SPRED2: variants seen among roughly 807,000 people sequenced by gnomAD.
The protein encoded by SPRED2 is sprouty-related, EVH1 domain-containing protein 2.
Under a neutral mutation model 43.0 loss-of-function variants are expected in SPRED2, and 47 were observed. That is an observed-to-expected ratio of 1.09 (90% confidence interval 0.87 to 1.40). SPRED2 has a LOEUF of 1.40. Among genes scored for constraint, SPRED2 ranks in the 40% most tolerant of loss-of-function variants. The pLI is 0.00. For synonymous variants in SPRED2, 225 were observed against 225.7 expected (o/e 1.00, Z 0.03); for missense variants, 561 against 586.4 (o/e 0.96, Z 0.45).
At chr2:65,424,433 C>T (rs552725002) in intron 1 of SPRED2, among the ~76,000 whole-genome samples, 1 of 152,152 alleles carries the variant, frequency 6.6e-6, no homozygotes, top group South Asian at 2.1e-4. Flanking sequence ...CTACTATGTG[C>T]TCAGTGTTCT....
chr2:65,410,109 C>T (rs961862414), intron 1 of SPRED2, among the ~76,000 whole-genome samples: 2 of 151,588 alleles, frequency 1.3e-5, no homozygotes, highest in Non-Finnish European at 1.5e-5. Context: ...TAATGGCTCA[C>T]GCCTGTAATA....
chr2:65,427,986 C>T (rs547394962), intron 1 of SPRED2, among the ~76,000 whole-genome samples: 1 of 152,262 alleles, frequency 6.6e-6, no homozygotes, highest in African/African-American at 2.4e-5. Flanking sequence ...CCAACTACCT[C>T]GCAGGATTTT....
intron 1 of SPRED2, among the ~76,000 whole-genome samples, chr2:65,424,097 C>G (rs1572907909): frequency 6.6e-6 from 1 of 151,994 alleles, no homozygotes; most frequent in Non-Finnish European, 1.5e-5. Flanking sequence ...TCCATTTCTA[C>G]TTTTTAACAG....
At chr2:65,430,313 G>C (rs1475323825) in intron 1 of SPRED2, among the ~76,000 whole-genome samples, 1 of 152,152 alleles carries the variant, frequency 6.6e-6, no homozygotes, top group African/African-American at 2.4e-5. Flanking sequence ...GTCTGCGACA[G>C]GCACAGCAGC....
chr2:65,346,317 T>C (rs909857842), intron 1 of SPRED2, among the ~76,000 whole-genome samples: 5 of 151,620 alleles, frequency 3.3e-5, no homozygotes, highest in Non-Finnish European at 7.4e-5. Context: ...CCTTCTCTGA[T>C]CATTCCTTTC....
chr2:65,340,291 A>G (rs537203108), intron 2 of SPRED2, among the ~76,000 whole-genome samples: 1 of 152,378 alleles, frequency 6.6e-6, no homozygotes, highest in East Asian at 1.9e-4. Flanking sequence ...GTTACTGTCC[A>G]TAAATCTCTG....
intron 1 of SPRED2, among the ~76,000 whole-genome samples, chr2:65,391,360 C>T (rs560899550): frequency 3.9e-5 from 6 of 152,272 alleles, no homozygotes; most frequent in African/African-American, 7.2e-5. Flanking sequence ...GCCAGTAACA[C>T]CACAGCTCAG....
chr2:65,328,354 A>C (rs1324129274), intron 4 of SPRED2, among the ~76,000 whole-genome samples: 1 of 152,178 alleles, frequency 6.6e-6, no homozygotes, highest in African/African-American at 2.4e-5. Context: ...AATGTACTGA[A>C]ACTTAGTTGG....
intron 2 of SPRED2, among the ~76,000 whole-genome samples, chr2:65,339,367 T>G (rs1482836344): frequency 5.3e-5 from 8 of 151,886 alleles, no homozygotes; most frequent in Non-Finnish European, 1.2e-4. Context: ...GACTTTTCAT[T>G]TTGTTTTGTA....
intron 5 of SPRED2, among the ~76,000 whole-genome samples, chr2:65,316,275 T>G (rs1314560411): frequency 6.6e-6 from 1 of 152,180 alleles, no homozygotes; most frequent in African/African-American, 2.4e-5. Context: ...GGCTGGGGGC[T>G]CGAGCCAAGT....
intron 2 of SPRED2, among the ~76,000 whole-genome samples, chr2:65,340,114 T>C (rs999828326): frequency 6.6e-6 from 1 of 152,262 alleles, no homozygotes; most frequent in Non-Finnish European, 1.5e-5. Context: ...TAAAATGTCA[T>C]TTATATTAAC....
downstream of SPRED2, among the ~76,000 whole-genome samples, chr2:65,307,829 T>C (rs1672971305): frequency 6.6e-6 from 1 of 152,206 alleles, no homozygotes; most frequent in African/African-American, 2.4e-5. Context: ...AGTTCAGTTC[T>C]AAACAAAGGA....
intron 4 of SPRED2, 77 bp downstream of exon 4, chr2:65,331,910 G>C: frequency 9.1e-7 from 1 of 1,096,520 alleles, no homozygotes; most frequent in Non-Finnish European, 1.4e-6. Flanking sequence ...TGCAAAGTGT[G>C]CCTCATGCCC....
At chr2:65,359,240 A>G (rs903287034) in intron 1 of SPRED2, among the ~76,000 whole-genome samples, 5 of 152,224 alleles carry the variant, frequency 3.3e-5, no homozygotes, top group Admixed American at 1.3e-4. Context: ...AGTTATAACA[A>G]GACAGAGCCA....
chr2:65,374,817 C>T (rs1675201395), intron 1 of SPRED2, among the ~76,000 whole-genome samples: 1 of 152,224 alleles, frequency 6.6e-6, no homozygotes, highest in Admixed American at 6.5e-5. Context: ...CAACTTCCTG[C>T]CCATGGCTTA....
chr2:65,389,051 T>C (rs1464506101), intron 1 of SPRED2, among the ~76,000 whole-genome samples: 3 of 152,196 alleles, frequency 2.0e-5, no homozygotes, highest in African/African-American at 7.2e-5. Flanking sequence ...GACTCCTGCC[T>C]GTCCCTATGC....
At chr2:65,403,802 C>T (rs1675959981) in intron 1 of SPRED2, among the ~76,000 whole-genome samples, 1 of 152,164 alleles carries the variant, frequency 6.6e-6, no homozygotes, top group Non-Finnish European at 1.5e-5. Context: ...GCCTAGACCT[C>T]AGGTGCTTGG....
At chr2:65,362,863 A>G (rs1416934776) in intron 1 of SPRED2, among the ~76,000 whole-genome samples, 2 of 150,946 alleles carry the variant, frequency 1.3e-5, no homozygotes, top group African/African-American at 4.9e-5. Context: ...CATTTCAAAA[A>G]AAAAAAGAAA....
chr2:65,396,393 A>G (rs1675757988), intron 1 of SPRED2, among the ~76,000 whole-genome samples: 1 of 152,194 alleles, frequency 6.6e-6, no homozygotes, highest in Admixed American at 6.5e-5. Flanking sequence ...CTTGGACACA[A>G]CAGCAAAAGC....
Sources: allele counts gnomAD v4.1 joint callset (sites outside exome capture counted in the v4.1 genomes callset), GRCh38; gene constraint gnomAD v4.1.1; transcripts MANE v1.5; gene names NCBI Gene and HGNC (gene_info 2026-07-23, HGNC 2026-07-21).